Variants in FER1L6 observed in about 807,000 individuals in gnomAD.
FER1L6 encodes the protein fer-1 like family member 6.
In FER1L6, 177 loss-of-function variants were observed where a neutral mutation model predicts 219.2. That is an observed-to-expected ratio of 0.81 (90% CI 0.71 to 0.91). FER1L6 has a LOEUF of 0.91. FER1L6 is among the 40% of genes least tolerant of loss of function. The pLI, the probability that FER1L6 is intolerant of heterozygous loss-of-function variation, is 0.00. For missense variants in FER1L6, 2,153 were observed against 2,259.9 expected, an observed-to-expected ratio of 0.95 and a Z score of 0.96; for synonymous variants, 768 against 824.3, an observed-to-expected ratio of 0.93 and a Z score of 1.17.
At chr8:123,900,286 G>A (rs10956155) in intron 1 of FER1L6, among the ~76,000 whole-genome samples, 48,890 of 151,844 alleles carry the variant, frequency 0.32, 8,469 homozygotes, top group Middle Eastern at 0.41. Flanking sequence ...TCTTGATTTG[G>A]TTCTCTGCTT....
intron 33 of FER1L6, among the ~76,000 whole-genome samples, chr8:124,088,818 G>A (rs570514164): frequency 2.0e-5 from 3 of 152,184 alleles, no homozygotes; most frequent in South Asian, 4.2e-4. Flanking sequence ...TTGGAATGGA[G>A]GCCTCAAGAC....
At chr8:123,880,259 C>T (rs1211623376) in intron 1 of FER1L6, among the ~76,000 whole-genome samples, 1 of 152,144 alleles carries the variant, frequency 6.6e-6, no homozygotes, top group Non-Finnish European at 1.5e-5. Context: ...GACCAACAGA[C>T]AGACCAACCG....
intron 34 of FER1L6, among the ~76,000 whole-genome samples, chr8:124,092,184 A>G (rs1298971609): frequency 2.0e-5 from 3 of 152,172 alleles, no homozygotes; most frequent in South Asian, 2.1e-4. Context: ...AAAATTTCCA[A>G]TAGATTATAA....
intron 39 of FER1L6, among the ~76,000 whole-genome samples, chr8:124,117,346 A>G (rs1586366389): frequency 6.6e-6 from 1 of 152,356 alleles, no homozygotes; most frequent in South Asian, 2.1e-4. Flanking sequence ...ACAGTTAGAT[A>G]TATTATTATC....
intron 1 of FER1L6, among the ~76,000 whole-genome samples, chr8:123,906,328 G>A (rs182207531): frequency 6.7e-4 from 102 of 152,202 alleles, no homozygotes; most frequent in Non-Finnish European, 1.4e-3. Flanking sequence ...GTTCTAGAAC[G>A]TGGGCTCTGC....
chr8:124,062,779 C>T (rs1263868689), intron 25 of FER1L6, among the ~76,000 whole-genome samples: 6 of 152,110 alleles, frequency 3.9e-5, no homozygotes, highest in Non-Finnish European at 7.3e-5. Flanking sequence ...CTGGAATGTA[C>T]ACCCAGGGGT....
intron 12 of FER1L6, among the ~76,000 whole-genome samples, chr8:123,990,027 G>T (rs10099674): frequency 3.0e-3 from 453 of 152,280 alleles, no homozygotes; most frequent in African/African-American, 0.01. Flanking sequence ...CCAGCACTTT[G>T]TGAGGCCGAG....
chr8:123,944,140 A>G (rs939381642), intron 1 of FER1L6, among the ~76,000 whole-genome samples: 3 of 152,148 alleles, frequency 2.0e-5, no homozygotes, highest in Non-Finnish European at 4.4e-5. Flanking sequence ...GAAAAAAAGT[A>G]TATAGAGCTT....
At position 124,062,031 on chromosome 8, in the gene FER1L6, C is replaced by A. The variant is rs779747501; in HGVS notation, c.3327C>A (p.His1109Gln). 3 of 1,613,948 alleles carry A rather than the reference C, an allele frequency of 1.9e-6. No individual in the cohort carries two copies. Among genetic ancestry groups the A allele is most frequent in the Admixed American group, 3.3e-5 (2 of 60,022 alleles). ...AGGTGGATGGAACCCAGCCTGGGCA[C>A]GGTGAGAAGCTGCTCTTAGATTTTG... ...ITQVDGTQPG[H>Q]DISDSLTATE... is the part of the protein sequence containing the mutation. Residue 1109 changes from histidine to glutamine, a missense_variant and splice_region_variant, in exon 25 of 41, where the codon CAC becomes CAA. Coordinates refer to ENST00000522917, the MANE Select transcript of FER1L6 (RefSeq NM_001039112.2).
Position 124,083,787 on chromosome 8 carries a change from G to GT in FER1L6, c.4391+1335dup, listed in dbSNP as rs142772405. The stretch of plus-strand genomic sequence containing the variant: ...TGTGGTCCCACGTAAATGTAAGATT[G>GT]TTTTTTCTATTTCTATGAAGAATGT... On this transcript the variant is annotated intron_variant, in intron 33 of 40. Coordinates refer to ENST00000522917, the MANE Select transcript of FER1L6 (RefSeq NM_001039112.2). Among the ~76,000 whole-genome samples the GT allele has an allele frequency of 4.2e-3, 643 of 152,060 alleles. 4 individuals carry two copies. The highest frequency in any genetic ancestry group is 0.015 in the African/African-American group (615 of 41,492).
chr8:123,977,710 C>A (rs1816152777), intron 10 of FER1L6, 101 bp downstream of exon 10: 2 of 1,050,994 alleles, frequency 1.9e-6, no homozygotes, highest in African/African-American at 1.6e-5. Flanking sequence ...CCCAGCCTTT[C>A]TGGCACCAGA....
chr8:123,856,290 G>A (rs9772876), intron 1 of FER1L6, among the ~76,000 whole-genome samples: 1 of 81,048 alleles, frequency 1.2e-5, no homozygotes, highest in Non-Finnish European at 2.6e-5. Flanking sequence ...ATATGTGTGT[G>A]TGTATATATA....
At chr8:123,862,870 C>T (rs199981653) in intron 1 of FER1L6, among the ~76,000 whole-genome samples, 16 of 145,252 alleles carry the variant, frequency 1.1e-4, no homozygotes, top group African/African-American at 3.6e-4. Context: ...TCTTCTCTCT[C>T]TTTTTCTTTA....
intron 1 of FER1L6, among the ~76,000 whole-genome samples, chr8:123,914,099 A>C (rs571839326): frequency 6.6e-6 from 1 of 152,350 alleles, no homozygotes; most frequent in Admixed American, 6.5e-5. Flanking sequence ...AATTAACTTT[A>C]AAAAATTTAA....
chr8:123,963,714 C>T (rs921499671), intron 3 of FER1L6, among the ~76,000 whole-genome samples: 3 of 152,208 alleles, frequency 2.0e-5, no homozygotes, highest in African/African-American at 7.2e-5. Context: ...CTCTTTGATT[C>T]ATCAAGGTGC....
At position 124,071,615 on chromosome 8, in the gene FER1L6, G is replaced by C. The variant is rs1821075582; in HGVS notation, c.4076G>C (p.Arg1359Thr). Residue 1359 changes from arginine (R) to threonine (T), a missense_variant, in exon 31 of 41, where the codon AGA becomes ACA. Coordinates refer to ENST00000522917, the MANE Select transcript of FER1L6 (RefSeq NM_001039112.2). Reference protein sequence around the residue: ...PPNHPVTVLIRVYIVAAFNLS... With the variant: ...PPNHPVTVLITVYIVAAFNLS... ...AATCACCCTGTCACAGTGCTGATCA[G>C]AGTATACATTGTCGCGGTGAGCCAT... 1.2e-6 allele frequency: 2 copies of C among 1,613,554 alleles called. No individual in the cohort carries two copies. Among genetic ancestry groups the C allele is most frequent in the South Asian group, 1.1e-5 (1 of 91,010 alleles).
intron 11 of FER1L6, 152 bp downstream of exon 11, chr8:123,980,963 C>T: frequency 1.6e-6 from 1 of 643,386 alleles, no homozygotes; most frequent in South Asian, 2.0e-5. Context: ...TCAGGCTGAT[C>T]CTCTGCCCCC....
chr8:123,855,592 C>T (rs748943633), intron 1 of FER1L6, among the ~76,000 whole-genome samples: 80 of 151,270 alleles, frequency 5.3e-4, no homozygotes, highest in Non-Finnish European at 6.9e-4. Flanking sequence ...TGATCTTGGG[C>T]CGGCTGTCTT....
Position 124,119,924 on chromosome 8 carries a change from G to T in FER1L6, c.*134G>T. The T allele has an allele frequency of 1.1e-6, 1 of 930,768 alleles. No individual in the cohort carries two copies. Among genetic ancestry groups the T allele is most frequent in the Non-Finnish European group, 1.5e-6 (1 of 650,650 alleles). The allele number at this position is 930,768 out of a possible 1,614,324, so 57.7% of individuals were successfully genotyped here. ...CAGATCAACCCTTCTTGGAAGAGAT[G>T]GAAAAGAAACATTTCCTCCCTGCTC... is the stretch of plus-strand genomic sequence containing the variant. On this transcript the variant is annotated 3_prime_UTR_variant, in exon 41 of 41. Coordinates refer to ENST00000522917, the MANE Select transcript of FER1L6 (RefSeq NM_001039112.2).
Sources: allele counts gnomAD v4.1 joint callset (sites outside exome capture counted in the v4.1 genomes callset), GRCh38; gene constraint gnomAD v4.1.1; transcripts MANE v1.5; gene names NCBI Gene and HGNC (gene_info 2026-07-23, HGNC 2026-07-21).